The following WWOX variants were observed in gnomAD, a reference collection of about 807,000 sequenced individuals.
WWOX encodes the protein WW domain containing oxidoreductase.
Under a neutral mutation model 46.2 loss-of-function variants are expected in WWOX, and 69 were observed. The ratio of observed to expected loss-of-function variants is 1.49; its 90% CI spans 1.23 to 1.82. The LOEUF (loss-of-function observed/expected upper bound fraction) is 1.82, where lower values mean the gene tolerates loss of function less well. Ranked by LOEUF, WWOX falls within the 40% of genes most tolerant of loss-of-function variation. WWOX has a pLI of 0.00. For synonymous variants in WWOX, 359 were observed against 202.6 expected (o/e 1.77, Z -6.56); for missense variants, 919 against 542.6 (o/e 1.69, Z -6.89).
intron 8 of WWOX, among the ~76,000 whole-genome samples, chr16:79,111,677 C>T (rs1386183028): frequency 6.6e-6 from 1 of 152,146 alleles, no homozygotes; most frequent in Non-Finnish European, 1.5e-5. Flanking sequence ...GGAGGCAAAT[C>T]AGCATGGGTA....
chr16:78,602,573 G>A lies in WWOX; in HGVS notation c.1056+169821G>A, dbSNP rs1347586991. ...TATTTGGCTGACAACGAAAGCTGTT[G>A]TGCTGGTAGCATCATCCCTTTCCAT... On this transcript the variant is annotated intron_variant, in intron 8 of 8. Coordinates refer to ENST00000566780, the MANE Select transcript of WWOX (RefSeq NM_016373.4). Among the ~76,000 whole-genome samples the A allele has an allele frequency of 2.6e-5, 4 of 152,282 alleles. No individual in the cohort carries two copies. The East Asian group carries it at 7.7e-4, about 29-fold the overall frequency.
chr16:78,165,529 A>C (rs1158592250), intron 5 of WWOX, among the ~76,000 whole-genome samples: 1 of 152,122 alleles, frequency 6.6e-6, no homozygotes, highest in African/African-American at 2.4e-5. Context: ...AAGAGGGTGG[A>C]GAAGGGTCAG....
intron 5 of WWOX, among the ~76,000 whole-genome samples, chr16:78,258,920 C>G (rs1287256272): frequency 1.3e-5 from 2 of 152,136 alleles, no homozygotes; most frequent in Non-Finnish European, 2.9e-5. Flanking sequence ...ACTTCCCTGC[C>G]TGCTTTAAAC....
intron 4 of WWOX, among the ~76,000 whole-genome samples, chr16:78,119,607 T>A (rs2032988429): frequency 6.6e-6 from 1 of 151,850 alleles, no homozygotes; most frequent in Non-Finnish European, 1.5e-5. Context: ...CATCCAGGGT[T>A]TGTGAGACAT....
At position 78,471,749 on chromosome 16, in the gene WWOX, T is replaced by G. The variant is rs1338884564; in HGVS notation, c.1056+38997T>G. Among the ~76,000 whole-genome samples the G allele has an allele frequency of 4.6e-5, 7 of 152,326 alleles. No homozygotes were observed. In the South Asian group the frequency reaches 1.5e-3, roughly 32 times the overall value. ...TCCCTGAACATCATTTGGCCTGAAC[T>G]AGGCTAGAGTTTCTCTTAATCAAAA... is the stretch of plus-strand genomic sequence containing the variant. On this transcript the variant is annotated intron_variant, in intron 8 of 8. Transcript: ENST00000566780.
chr16:78,869,993 A>T (rs1342278163), intron 8 of WWOX, among the ~76,000 whole-genome samples: 2 of 152,228 alleles, frequency 1.3e-5, no homozygotes, highest in Non-Finnish European at 2.9e-5. Flanking sequence ...AATGACACAG[A>T]TCAAAGTCTC....
chr16:78,610,762 G>T (rs938880576), intron 8 of WWOX, among the ~76,000 whole-genome samples: 5 of 152,126 alleles, frequency 3.3e-5, no homozygotes, highest in Non-Finnish European at 7.3e-5. Context: ...TAATGGCATG[G>T]CTCTGATATT....
chr16:78,771,467 T>C (rs1325821248), intron 8 of WWOX, among the ~76,000 whole-genome samples: 1 of 152,194 alleles, frequency 6.6e-6, no homozygotes, highest in Non-Finnish European at 1.5e-5. Flanking sequence ...CACGGAATTG[T>C]ATCCTTAAAA....
At chr16:78,383,893 T>C (rs1303978963) in intron 5 of WWOX, among the ~76,000 whole-genome samples, 2 of 152,170 alleles carry the variant, frequency 1.3e-5, no homozygotes, top group Non-Finnish European at 2.9e-5. Flanking sequence ...TGATGGCTTG[T>C]GACCCCTTTT....
At chr16:78,971,194 C>T (rs2046461766) in intron 8 of WWOX, among the ~76,000 whole-genome samples, 1 of 151,934 alleles carries the variant, frequency 6.6e-6, no homozygotes, top group Non-Finnish European at 1.5e-5. Context: ...GGCACGGTGG[C>T]CTACACCTGT....
At chr16:78,645,426 A>G (rs530317279) in intron 8 of WWOX, among the ~76,000 whole-genome samples, 5 of 152,146 alleles carry the variant, frequency 3.3e-5, no homozygotes, top group Admixed American at 6.5e-5. Flanking sequence ...TTGTGTTGCT[A>G]TAAAGGAATG....
chr16:79,076,015 T>C (rs780641600), intron 8 of WWOX, among the ~76,000 whole-genome samples: 6 of 152,212 alleles, frequency 3.9e-5, no homozygotes, highest in Non-Finnish European at 7.3e-5. Context: ...GGGGTTTTTT[T>C]CTTCTTACAG....
At chr16:78,766,397 C>A (rs1380750503) in intron 8 of WWOX, among the ~76,000 whole-genome samples, 1 of 152,146 alleles carries the variant, frequency 6.6e-6, no homozygotes. Flanking sequence ...GGCTTCAAAA[C>A]CAGCCTGGGC....
At chr16:78,885,675 T>C (rs2044440384) in intron 8 of WWOX, among the ~76,000 whole-genome samples, 1 of 152,188 alleles carries the variant, frequency 6.6e-6, no homozygotes, top group Non-Finnish European at 1.5e-5. Flanking sequence ...TAAATAGTTT[T>C]TGCAGTTTCC....
intron 8 of WWOX, among the ~76,000 whole-genome samples, chr16:78,771,045 C>T (rs1430780820): frequency 6.6e-6 from 1 of 152,180 alleles, no homozygotes; most frequent in African/African-American, 2.4e-5. Flanking sequence ...AGGAACCGCA[C>T]GTGCAAAGGC....
intron 8 of WWOX, among the ~76,000 whole-genome samples, chr16:79,138,842 G>C (rs1240548670): frequency 6.6e-6 from 1 of 152,156 alleles, no homozygotes; most frequent in Admixed American, 6.6e-5. Context: ...GCAGGGTGAG[G>C]GAATTGTCCA....
chr16:78,544,419 T>A (rs965303139), intron 8 of WWOX, among the ~76,000 whole-genome samples: 1 of 152,218 alleles, frequency 6.6e-6, no homozygotes, highest in Non-Finnish European at 1.5e-5. Context: ...CTTCATCTTA[T>A]TAAGTAGTCA....
intron 8 of WWOX, among the ~76,000 whole-genome samples, chr16:78,842,260 G>A (rs899902021): frequency 6.6e-6 from 1 of 151,560 alleles, no homozygotes; most frequent in Non-Finnish European, 1.5e-5. Flanking sequence ...TTTAGAAGCT[G>A]AGGCAGGAGG....
At chr16:78,643,674 T>G (rs1197156700) in intron 8 of WWOX, among the ~76,000 whole-genome samples, 3 of 152,156 alleles carry the variant, frequency 2.0e-5, no homozygotes, top group Non-Finnish European at 4.4e-5. Context: ...GGCCCCGTTG[T>G]AAATGATTGT....
Sources: allele counts gnomAD v4.1 joint callset (sites outside exome capture counted in the v4.1 genomes callset), GRCh38; gene constraint gnomAD v4.1.1; transcripts MANE v1.5; gene names NCBI Gene and HGNC (gene_info 2026-07-23, HGNC 2026-07-21).